The following OR6B3 variants were observed in gnomAD, a reference collection of about 807,000 sequenced individuals.
OR6B3 encodes olfactory receptor family 6 subfamily B member 3.
For synonymous variants in OR6B3, 148 were observed against 187.8 expected, an observed-to-expected ratio of 0.79 and a Z score of 1.73; for missense variants, 315 against 427.4, an observed-to-expected ratio of 0.74 and a Z score of 2.32.
At chr2:240,049,288 T>G (rs1008686640), upstream of OR6B3, among the ~76,000 whole-genome samples, 1 of 152,174 alleles carries the variant, frequency 6.6e-6, no homozygotes, top group Non-Finnish European at 1.5e-5. Context: ...AAGTTATATT[T>G]TTTTGTACAT....
chr2:240,045,335 G>A lies in OR6B3; in HGVS notation c.738C>T (p.Thr246=), dbSNP rs755495694. The change falls in exon 2 of 2, where the codon ACC becomes ACT. Residue 246 remains threonine, a synonymous_variant. Transcript: ENST00000641019. ...AGGCTGTATAGAAGACGGTGACCAC[G>A]GTGAGGTGAGAGGCGCAGGTGAAGA... is the stretch of plus-strand genomic sequence containing the variant. 26 of 1,614,098 alleles carry A rather than the reference G, an allele frequency of 1.6e-5. No individual in the cohort carries two copies. In the East Asian group the frequency reaches 1.8e-4, roughly 11 times the overall value.
At chr2:240,050,080 T>TAAA (rs56929241), upstream of OR6B3, among the ~76,000 whole-genome samples, 57 of 144,870 alleles carry the variant, frequency 3.9e-4, no homozygotes, top group East Asian at 3.0e-3. Context: ...ATGACTGGAG[T>TAAA]AAAAAAAAAA....
rs568379600 is a variant in OR6B3, at chr2:240,045,421, A to G, written c.652T>C (p.Tyr218His). The G allele has an allele frequency of 7.4e-6, 12 of 1,614,204 alleles. No individual in the cohort carries two copies. The African/African-American group carries it at 8.0e-5, about 11-fold the overall frequency. The change falls in exon 2 of 2, where the codon TAT becomes CAT. Residue 218 changes from tyrosine (Y) to histidine (H), a missense_variant. Coordinates refer to ENST00000641019, the Ensembl canonical transcript of OR6B3. ...AGGACAGCCAGGGTGATGTGCGCAT[A>G]TGACAGCATGGTGGCCAGGAGTGGA...
chr2:240,048,291 C>A (rs1011428655), upstream of OR6B3, among the ~76,000 whole-genome samples: 3 of 152,176 alleles, frequency 2.0e-5, no homozygotes, highest in African/African-American at 7.2e-5. Flanking sequence ...GTCCCTGGCC[C>A]TTTGCTCACA....
chr2:240,049,587 G>A (rs1698230844), upstream of OR6B3, among the ~76,000 whole-genome samples: 1 of 152,198 alleles, frequency 6.6e-6, no homozygotes, highest in Admixed American at 6.5e-5. Context: ...AACATGGGCA[G>A]TGAAGAAACA....
chr2:240,049,438 G>T (rs2106528160), upstream of OR6B3, among the ~76,000 whole-genome samples: 1 of 152,334 alleles, frequency 6.6e-6, no homozygotes, highest in Middle Eastern at 3.4e-3. Context: ...ATGCCTGAGG[G>T]TAGCAGAGAG....
chr2:240,045,723 G>T (rs1196586401), exon 2 of OR6B3: 2 of 1,371,990 alleles, frequency 1.5e-6, no homozygotes, highest in Non-Finnish European at 2.1e-6. Context: ...GTAGGCCATG[G>T]AGGCCAGAAG....
chr2:240,045,392 G>A, exon 2 of OR6B3: 2 of 1,614,180 alleles, frequency 1.2e-6, no homozygotes, highest in Middle Eastern at 1.6e-4. Context: ...CCGAGGGGAT[G>A]CGCAGGACAG....
upstream of OR6B3, among the ~76,000 whole-genome samples, chr2:240,049,398 C>T (rs1052549839): frequency 3.3e-5 from 5 of 152,166 alleles, no homozygotes; most frequent in African/African-American, 9.7e-5. Context: ...GTATGAAACT[C>T]GAATGTTGTG....
the OR6B3 span, among the ~76,000 whole-genome samples, chr2:240,052,687 G>T: frequency 6.6e-6 from 1 of 152,246 alleles, no homozygotes; most frequent in Non-Finnish European, 1.5e-5. The surrounding 1 kb of genome is among the most constrained non-coding windows in gnomAD (Gnocchi z 4.5). Flanking sequence ...CTCCTAAGCT[G>T]CTGTTCTGTG....
intron 1 of OR6B3, among the ~76,000 whole-genome samples, 184 bp downstream of exon 2, chr2:240,046,768 G>C (rs1276195147): frequency 6.6e-6 from 1 of 152,180 alleles, no homozygotes; most frequent in Non-Finnish European, 1.5e-5. Flanking sequence ...GCAGAGAGGA[G>C]GAAGTCTAGA....
At chr2:240,045,121 T>G in exon 2 of OR6B3, 2 of 1,610,280 alleles carry the variant, frequency 1.2e-6, no homozygotes, top group Non-Finnish European at 1.7e-6. Flanking sequence ...TCCAGAAGAC[T>G]AGAAAGCCTC....
chr2:240,047,515 G>T (rs1054518239), upstream of OR6B3, among the ~76,000 whole-genome samples: 22 of 152,214 alleles, frequency 1.4e-4, no homozygotes, highest in Non-Finnish European at 2.9e-5. Flanking sequence ...AGGTGGTGGG[G>T]ACACTCACTG....
chr2:240,052,757 G>C, the OR6B3 span, among the ~76,000 whole-genome samples: 353 of 152,268 alleles, frequency 2.3e-3, no homozygotes, highest in African/African-American at 8.0e-3. This position sits in a 1 kb window ranked among gnomAD's most constrained non-coding sequence, Gnocchi z 4.5. Context: ...TAGCCTGCTC[G>C]TTGATTTCCT....
chr2:240,050,224 CA>C (rs1482221197), upstream of OR6B3, among the ~76,000 whole-genome samples: 1 of 152,078 alleles, frequency 6.6e-6, no homozygotes, highest in Non-Finnish European at 1.5e-5. Flanking sequence ...AGATGCACGA[CA>C]AAAAACTTCA....
chr2:240,052,558 A>T, the OR6B3 span, among the ~76,000 whole-genome samples: 1 of 152,194 alleles, frequency 6.6e-6, no homozygotes. This position sits in a 1 kb window ranked among gnomAD's most constrained non-coding sequence, Gnocchi z 4.5. Context: ...GTTAAACATG[A>T]TGTCAGGATA....
At chr2:240,045,830 C>A in exon 2 of OR6B3, 1 of 1,610,392 alleles carries the variant, frequency 6.2e-7, no homozygotes. Context: ...AGCCCTCCAG[C>A]ATCTTGGGGG....
upstream of OR6B3, among the ~76,000 whole-genome samples, chr2:240,050,044 G>C (rs1043608792): frequency 2.4e-4 from 35 of 148,650 alleles, 1 homozygote; most frequent in African/African-American, 8.5e-4. Flanking sequence ...GAAATCATAA[G>C]AAAGCACCCC....
chr2:240,050,148 G>C (rs541484151), upstream of OR6B3, among the ~76,000 whole-genome samples: 1 of 151,620 alleles, frequency 6.6e-6, no homozygotes, highest in Non-Finnish European at 1.5e-5. Context: ...AGGAAAAAAT[G>C]CCCAAGTCAT....
Sources: gnomAD v4.1 joint callset for allele counts (sites outside exome capture counted in the v4.1 genomes callset) on GRCh38, gnomAD v4.1.1 for gene constraint, Gnocchi (gnomAD v3.1) non-coding constraint, MANE v1.5 for transcripts, NCBI Gene and HGNC (gene_info 2026-07-23, HGNC 2026-07-21) for gene names.